The following MTREX variants were observed in gnomAD, a reference collection of about 807,000 sequenced individuals.
MTREX encodes exosome RNA helicase MTR4.
In MTREX, 76 loss-of-function variants were observed where a neutral mutation model predicts 135.4. That is an observed-to-expected ratio of 0.56 (90% confidence interval 0.47 to 0.68). The LOEUF (loss-of-function observed/expected upper bound fraction) is 0.68. MTREX is among the 30% of genes least tolerant of loss of function. The pLI, the probability that MTREX is intolerant of heterozygous loss-of-function variation, is 0.00. For synonymous variants in MTREX, 404 were observed against 401.6 expected, an observed-to-expected ratio of 1.01 and a Z score of -0.07; for missense variants, 920 against 1,262.1, an observed-to-expected ratio of 0.73 and a Z score of 4.11.
At chr5:55,368,068 A>G (rs1006944359) in intron 16 of MTREX, among the ~76,000 whole-genome samples, 1 of 152,222 alleles carries the variant, frequency 6.6e-6, no homozygotes, top group Non-Finnish European at 1.5e-5. Flanking sequence ...TAATGCTTAT[A>G]ATTAATATCA....
Position 55,400,353 on chromosome 5 carries a change from T to C in MTREX, c.2413T>C (p.Tyr805His). ...QKVEAFEHRM[Y>H]SHPLHNDPNL... ...AGTAGAAGCTTTTGAGCATCGAATG[T>C]ATTCTCATCCACTTCACAATGATCC... Residue 805 changes from tyrosine (Y) to histidine (H), a missense_variant, in exon 21 of 27, where the codon TAT (tyrosine) becomes CAT (histidine). Tyr to His is a moderately conservative substitution (Grantham distance 83, BLOSUM62 2). This residue lies in a region of MTREX where 467 missense variants were observed against 589.7 expected (regional missense o/e 0.79). Coordinates refer to ENST00000230640, the MANE Select transcript of MTREX (RefSeq NM_015360.5). 2.5e-6 allele frequency: 4 copies of C among 1,613,618 alleles called. No individual in the cohort carries two copies. Among genetic ancestry groups the C allele is most frequent in the African/African-American group, 1.3e-5 (1 of 75,004 alleles).
chr5:55,394,206 T>G (rs1023092590), intron 19 of MTREX, among the ~76,000 whole-genome samples: 3 of 152,252 alleles, frequency 2.0e-5, no homozygotes, highest in African/African-American at 7.2e-5. Context: ...TTTTTCTACC[T>G]TTTTAGATGT....
At chr5:55,385,257 C>G (rs192369386) in intron 18 of MTREX, among the ~76,000 whole-genome samples, 228 of 152,196 alleles carry the variant, frequency 1.5e-3, no homozygotes, top group African/African-American at 5.3e-3. Context: ...TCTTGCCTCT[C>G]CCAACATGGA....
chr5:55,384,369 T>C (rs1313742075), intron 18 of MTREX, among the ~76,000 whole-genome samples: 1 of 152,240 alleles, frequency 6.6e-6, no homozygotes, highest in Admixed American at 6.5e-5. Context: ...TTTTGTACTT[T>C]CTGTTTCTTC....
chr5:55,332,665 G>C (rs534903421), intron 5 of MTREX, among the ~76,000 whole-genome samples: 1 of 152,138 alleles, frequency 6.6e-6, no homozygotes, highest in South Asian at 2.1e-4. Flanking sequence ...TTTAACTGGG[G>C]CCCACCCCCT....
chr5:55,308,473 T>C (rs545864726), intron 1 of MTREX, among the ~76,000 whole-genome samples: 1 of 152,254 alleles, frequency 6.6e-6, no homozygotes, highest in Non-Finnish European at 1.5e-5. Context: ...AACGAATGAT[T>C]AGTTGAGTAA....
intron 3 of MTREX, among the ~76,000 whole-genome samples, chr5:55,325,339 GTT>G (rs531584340): frequency 7.9e-6 from 1 of 125,950 alleles, no homozygotes. Context: ...GTTTTTTTTT[GTT>G]TTTTTTTTTT....
At chr5:55,328,969 TGAA>T (rs1189584587) in intron 5 of MTREX, among the ~76,000 whole-genome samples, 158 bp downstream of exon 5, 1 of 152,198 alleles carries the variant, frequency 6.6e-6, no homozygotes, top group Non-Finnish European at 1.5e-5. Flanking sequence ...AATGTTTACT[TGAA>T]GTAATAAAAG....
chr5:55,368,970 G>A (rs150921033), intron 16 of MTREX, among the ~76,000 whole-genome samples: 7 of 152,006 alleles, frequency 4.6e-5, no homozygotes, highest in Admixed American at 4.6e-4. Flanking sequence ...TTAATTTCTT[G>A]TAAAAGTTAT....
intron 5 of MTREX, among the ~76,000 whole-genome samples, chr5:55,332,686 C>T (rs1326048173): frequency 6.6e-6 from 1 of 152,136 alleles, no homozygotes; most frequent in East Asian, 1.9e-4. Flanking sequence ...TGATAATTCC[C>T]TCCCAAGATA....
chr5:55,394,535 G>A (rs1028343835), intron 19 of MTREX, among the ~76,000 whole-genome samples: 5 of 152,062 alleles, frequency 3.3e-5, no homozygotes, highest in East Asian at 1.9e-4. Context: ...ACGACCAGGC[G>A]ACCTAGATCC....
chr5:55,392,739 A>C (rs1750590283), intron 19 of MTREX, among the ~76,000 whole-genome samples: 1 of 152,136 alleles, frequency 6.6e-6, no homozygotes. Context: ...ACAGCCCTGT[A>C]CATGGCCTTC....
chr5:55,397,458 G>A lies in MTREX; in HGVS notation c.2224G>A (p.Val742Ile). 6.2e-7 allele frequency: 1 copy of A among 1,610,696 alleles called. No homozygotes were observed. Among genetic ancestry groups the A allele is most frequent in the Non-Finnish European group, 8.5e-7 (1 of 1,177,640 alleles). ...LVHLLSAISS[V>I]RLYIPKDLRP... The stretch of plus-strand genomic sequence containing the variant: ...GCATCTCCTGTCTGCTATCAGCAGT[G>A]TTAGGCTTTACATTCCTAAAGACCT... Residue 742 changes from valine to isoleucine, a missense_variant, in exon 20 of 27, where the codon GTT becomes ATT. Val to Ile is a conservative substitution (Grantham distance 29). Coordinates refer to ENST00000230640, the MANE Select transcript of MTREX (RefSeq NM_015360.5).
At chr5:55,400,455 CTA>C (rs1294608452) in intron 21 of MTREX, 34 bp downstream of exon 21, 18 of 1,392,252 alleles carry the variant, frequency 1.3e-5, no homozygotes, top group Non-Finnish European at 1.6e-5. Flanking sequence ...TAGTAGAATT[CTA>C]TATGTTTCAC....
chr5:55,339,108 C>T (rs574932265), intron 5 of MTREX, among the ~76,000 whole-genome samples: 1 of 152,104 alleles, frequency 6.6e-6, no homozygotes, highest in South Asian at 2.1e-4. Flanking sequence ...GTAGACTTTC[C>T]ATTTGATTAT....
intron 16 of MTREX, among the ~76,000 whole-genome samples, chr5:55,371,390 A>G (rs1391077969): frequency 6.6e-6 from 1 of 152,178 alleles, no homozygotes; most frequent in East Asian, 1.9e-4. Context: ...ACTGTTATAC[A>G]CTATATTATA....
At chr5:55,356,210 A>G (rs1385086842) in intron 14 of MTREX, 2 of 152,698 alleles carry the variant, frequency 1.3e-5, no homozygotes, top group Non-Finnish European at 2.9e-5. Context: ...TGCTTGCTGT[A>G]TAGACCTATT....
chr5:55,358,893 G>A (rs1283496671), intron 15 of MTREX, among the ~76,000 whole-genome samples, 195 bp downstream of exon 15: 1 of 152,158 alleles, frequency 6.6e-6, no homozygotes, highest in Non-Finnish European at 1.5e-5. Context: ...CCTAATAGGT[G>A]GAGAGCAACT....
chr5:55,411,180 T>C (rs1750879920), intron 23 of MTREX, among the ~76,000 whole-genome samples: 1 of 152,200 alleles, frequency 6.6e-6, no homozygotes. Flanking sequence ...AAAAATGAAG[T>C]GCTGGGTGGA....
Sources: gnomAD v4.1 joint callset for allele counts (sites outside exome capture counted in the v4.1 genomes callset) on GRCh38, gnomAD v4.1.1 for gene constraint, gnomAD v4.1.1 regional missense constraint, MANE v1.5 for transcripts, NCBI Gene and HGNC (gene_info 2026-07-23, HGNC 2026-07-21) for gene names.